Variants in SEC23A observed in about 807,000 individuals in gnomAD.
SEC23A encodes protein transport protein Sec23A.
In SEC23A, 56 loss-of-function variants were observed where a neutral mutation model predicts 103.7. That is an observed-to-expected ratio of 0.54 (90% CI 0.44 to 0.67). The LOEUF (loss-of-function observed/expected upper bound fraction) is 0.67, where lower values mean the gene tolerates loss of function less well. Ranked by LOEUF, SEC23A falls within the 30% of genes least tolerant of loss-of-function variation. The pLI, the probability that SEC23A is intolerant of heterozygous loss-of-function variation, is 0.00. For synonymous variants in SEC23A, 281 were observed against 293.0 expected (o/e 0.96, Z 0.42); for missense variants, 784 against 936.4 (o/e 0.84, Z 2.12).
At chr14:39,067,376 T>C in intron 9 of SEC23A, 80 bp from the exon 10 acceptor site, 1 of 1,476,670 alleles carries the variant, frequency 6.8e-7, no homozygotes, top group Non-Finnish European at 9.3e-7. Flanking sequence ...GAAAATTACC[T>C]CTCAAAACTA....
intron 13 of SEC23A, among the ~76,000 whole-genome samples, chr14:39,060,077 A>C (rs76794064): frequency 0.021 from 3,259 of 151,656 alleles, 133 homozygotes; most frequent in African/African-American, 0.072. Context: ...AATGTTCTGA[A>C]TGTCAAATTT....
At chr14:39,089,249 A>G (rs1395154099) in intron 5 of SEC23A, among the ~76,000 whole-genome samples, 2 of 152,132 alleles carry the variant, frequency 1.3e-5, no homozygotes, top group Non-Finnish European at 2.9e-5. Flanking sequence ...CTCTACAATC[A>G]GAACAGTAAA....
chr14:39,048,505 T>A (rs1395585630), intron 15 of SEC23A, 147 bp downstream of exon 15: 3 of 622,470 alleles, frequency 4.8e-6, no homozygotes, highest in South Asian at 3.7e-5. Context: ...TCCTAACTAC[T>A]CAGGAGGCTG....
In SEC23A at chr14:39,076,099, A is replaced by T. The variant is rs559146817; in HGVS notation, c.829-6T>A. ...CCAGTGTTGGGAAAAGTACACTATT[A>T]AAAAAAAAGTCAAGAGTTTAAAAGA... On this transcript the variant is annotated splice_region_variant and splice_polypyrimidine_tract_variant and intron_variant, in intron 7 of 19. Transcript: ENST00000307712. 61 of 1,554,342 alleles carry T rather than the reference A, an allele frequency of 3.9e-5. No homozygotes were observed. The South Asian group carries it at 6.4e-4, about 16-fold the overall frequency.
intron 1 of SEC23A, among the ~76,000 whole-genome samples, chr14:39,098,854 T>A: frequency 6.9e-6 from 1 of 145,022 alleles, no homozygotes; most frequent in African/African-American, 2.5e-5. Context: ...TCATAAGAAA[T>A]CCAGTGTTAT....
chr14:39,089,719 G>A (rs1468516943), intron 5 of SEC23A, among the ~76,000 whole-genome samples: 1 of 152,222 alleles, frequency 6.6e-6, no homozygotes, highest in Non-Finnish European at 1.5e-5. Flanking sequence ...CACTCTGGGA[G>A]GCCGAGGAAG....
chr14:39,076,768 A>T (rs577388419), intron 7 of SEC23A, among the ~76,000 whole-genome samples: 1 of 151,442 alleles, frequency 6.6e-6, no homozygotes, highest in Non-Finnish European at 1.5e-5. Context: ...TCTACTAAAA[A>T]TACAAAAAAT....
rs182319783 is a variant in SEC23A, at chr14:39,084,040, G to C, written c.828+1722C>G. ...AACTATTTTGTTTTGTTTTGTTTTT[G>C]AGATGGAGTCTCTCTCTGTTGCCCA... On this transcript the variant is annotated intron_variant, in intron 7 of 19. Coordinates refer to ENST00000307712, the MANE Select transcript of SEC23A (RefSeq NM_006364.4). Among the ~76,000 whole-genome samples, 927 of 151,996 alleles carry C rather than the reference G, an allele frequency of 6.1e-3. 9 individuals are homozygous for C. The highest frequency in any genetic ancestry group is 0.021 in the African/African-American group (860 of 41,458).
chr14:39,043,931 T>C (rs1179589685), intron 16 of SEC23A, among the ~76,000 whole-genome samples: 1 of 152,088 alleles, frequency 6.6e-6, no homozygotes, highest in Non-Finnish European at 1.5e-5. Flanking sequence ...GGTGAGAAAG[T>C]ATAAACAACA....
At chr14:39,083,487 G>A (rs975580888) in intron 7 of SEC23A, among the ~76,000 whole-genome samples, 1 of 150,848 alleles carries the variant, frequency 6.6e-6, no homozygotes, top group Non-Finnish European at 1.5e-5. Flanking sequence ...AAAACCAACT[G>A]TGCTCTGACC....
chr14:39,076,900 C>T (rs1887047730), intron 7 of SEC23A, among the ~76,000 whole-genome samples: 1 of 148,130 alleles, frequency 6.8e-6, no homozygotes, highest in Non-Finnish European at 1.5e-5. Flanking sequence ...GCACTCCAGC[C>T]TGGGCAACAA....
chr14:39,084,801 G>A (rs1887371172), intron 7 of SEC23A, among the ~76,000 whole-genome samples: 1 of 152,174 alleles, frequency 6.6e-6, no homozygotes, highest in Non-Finnish European at 1.5e-5. Context: ...CTCCCAAGTA[G>A]CTGGGAGTAC....
At chr14:39,050,310 CTTT>C (rs1886013057) in intron 14 of SEC23A, among the ~76,000 whole-genome samples, 1 of 152,186 alleles carries the variant, frequency 6.6e-6, no homozygotes, top group Non-Finnish European at 1.5e-5. Context: ...CTAATTCCTT[CTTT>C]AATTCAGTAA....
rs371936625 is a variant in SEC23A, at chr14:39,086,909, C to A, written c.683+20G>T. The A allele has an allele frequency of 2.0e-6, 3 of 1,481,452 alleles. No homozygotes were observed. Among genetic ancestry groups the A allele is most frequent in the Non-Finnish European group, 2.8e-6 (3 of 1,059,098 alleles). The allele number at this position is 1,481,452 out of a possible 1,614,324, so 91.8% of individuals were successfully genotyped here. A position where few individuals can be genotyped will look rare whatever the true frequency, so the allele number is the denominator to read the frequency against. On this transcript the variant is annotated intron_variant, in intron 6 of 19. Coordinates refer to ENST00000307712, the MANE Select transcript of SEC23A (RefSeq NM_006364.4). ...AAATAGCTACAGAAACGGTCAAATT[C>A]TCTTCATCATATTTATTACCTGTTG...
chr14:39,095,369 T>C (rs942582994), intron 2 of SEC23A, among the ~76,000 whole-genome samples: 4 of 151,904 alleles, frequency 2.6e-5, no homozygotes, highest in Non-Finnish European at 4.4e-5. Flanking sequence ...CGATCTCAGC[T>C]CACTGCAACC....
chr14:39,057,806 G>GT (rs1886299980), intron 13 of SEC23A, among the ~76,000 whole-genome samples: 1 of 152,100 alleles, frequency 6.6e-6, no homozygotes, highest in Admixed American at 6.5e-5. Flanking sequence ...AAAAATAAAG[G>GT]TTTTCTCTCA....
At position 39,063,310 on chromosome 14, in the gene SEC23A, G is replaced by A; in HGVS notation, c.1398+14C>T. 6.7e-7 allele frequency: 1 copy of A among 1,482,216 alleles called. No homozygotes were observed. The highest frequency in any genetic ancestry group is 9.4e-7 in the Non-Finnish European group (1 of 1,060,148). 91.8% of individuals were successfully genotyped at this position (1,482,216 alleles called of 1,614,324 possible). On this transcript the variant is annotated intron_variant, in intron 12 of 19. Transcript: ENST00000307712. ...ACGTTGTACGTTTTGATATTCAGAT[G>A]TAGAAAGTCATACCTGATTGACAAC...
At chr14:39,080,023 G>A (rs976880433) in intron 7 of SEC23A, among the ~76,000 whole-genome samples, 1 of 151,958 alleles carries the variant, frequency 6.6e-6, no homozygotes, top group African/African-American at 2.4e-5. Flanking sequence ...GATAATAGCA[G>A]TCATGTAAAG....
chr14:39,040,814 G>T lies in SEC23A; in HGVS notation c.2060C>A (p.Ala687Asp). 6.2e-7 allele frequency: 1 copy of T among 1,614,186 alleles called. No homozygotes were observed. Among genetic ancestry groups the T allele is most frequent in the Non-Finnish European group, 8.5e-7 (1 of 1,180,042 alleles). ...EYENFRHLLQ[A>D]PVDDAQEILH... ...AATTTCCTGTGCATCATCCACTGGG[G>T]CTTGCAGAAGGTGGCGGAAATTTTC... is the stretch of plus-strand genomic sequence containing the variant. Residue 687 changes from alanine (A) to aspartate (D), a missense_variant, in exon 18 of 20, where the codon GCC (alanine) becomes GAC (aspartate). Physicochemically the swap from Ala to Asp is moderately radical, Grantham distance 126 (BLOSUM62 -2). Coordinates refer to ENST00000307712, the MANE Select transcript of SEC23A (RefSeq NM_006364.4).
Sources: allele counts gnomAD v4.1 joint callset (sites outside exome capture counted in the v4.1 genomes callset), GRCh38; gene constraint gnomAD v4.1.1; transcripts MANE v1.5; gene names NCBI Gene and HGNC (gene_info 2026-07-23, HGNC 2026-07-21).